The following MNT variants were observed in gnomAD, a reference collection of about 807,000 sequenced individuals.
MNT encodes the protein max-binding protein MNT.
In MNT, 13 loss-of-function variants were observed where a neutral mutation model predicts 40.7. That is an observed-to-expected ratio of 0.32 (90% CI 0.21 to 0.51). The LOEUF (loss-of-function observed/expected upper bound fraction) is 0.51. Ranked by LOEUF, MNT falls within the 20% of genes least tolerant of loss-of-function variation. MNT has a pLI of 0.98. For synonymous variants in MNT, 426 were observed against 354.8 expected (o/e 1.20, Z -2.26); for missense variants, 757 against 792.0 (o/e 0.96, Z 0.53).
Position 2,395,087 on chromosome 17 carries a change from A to G in MNT, c.441T>C (p.Ala147=). 3 of 1,519,756 alleles carry G rather than the reference A, an allele frequency of 2.0e-6. No individual in the cohort carries two copies. Among genetic ancestry groups the G allele is most frequent in the Non-Finnish European group, 2.6e-6 (3 of 1,135,024 alleles). 94.1% of individuals were successfully genotyped at this position (1,519,756 alleles called of 1,614,324 possible). A position where few individuals can be genotyped will look rare whatever the true frequency, so the allele number is the denominator to read the frequency against. Residue 147 remains alanine (A), a synonymous_variant, in exon 2 of 6, where the codon GCT becomes GCC. Transcript: ENST00000174618. ...TGGCCTTCGAGTCCGGCAGTAGGGG[A>G]GCAGGGGTGGGCACCTGCGGCCTGC... is the stretch of plus-strand genomic sequence containing the variant. ...LPSRPQVPTP[A]PLLPDSKATI... is the part of the protein sequence containing the mutation.
rs1360790437 is a variant in MNT, at chr17:2,393,103, CAG to C, written c.807+938_807+939del. Among the ~76,000 whole-genome samples, 7 of 151,954 alleles carry C rather than the reference CAG, an allele frequency of 4.6e-5. No individual in the cohort carries two copies. The South Asian group carries it at 1.0e-3, about 23-fold the overall frequency. On this transcript the variant is annotated intron_variant, in intron 4 of 5. Coordinates refer to ENST00000174618, the MANE Select transcript of MNT (RefSeq NM_020310.3). ...CGCCGCGCCGCCCCCGGAGCTTCCT[CAG>C]AGGATGGACAGGGAGAGTCCCGGCT... is the stretch of plus-strand genomic sequence containing the variant.
In MNT at chr17:2,395,273, T is replaced by C. The variant is rs775332991; in HGVS notation, c.255A>G (p.Pro85=). 2 of 1,097,430 alleles carry C rather than the reference T, an allele frequency of 1.8e-6. No individual in the cohort carries two copies. Among genetic ancestry groups the C allele is most frequent in the Non-Finnish European group, 2.4e-6 (2 of 842,590 alleles). The allele number at this position is 1,097,430 out of a possible 1,614,324, so 68.0% of individuals were successfully genotyped here. ...CCACAGGGATAGGGATGACAGTCAG[T>C]GGGGCAGGGGTGGCAAGTGGTGGTG... The part of the protein sequence containing the change: ...APPPPLATPA[P]LTVIPIPVVT... Residue 85 remains proline, a synonymous_variant, in exon 2 of 6, where the codon CCA becomes CCG. Transcript: ENST00000174618.
At chr17:2,395,900 G>C (rs535459543) in intron 1 of MNT, among the ~76,000 whole-genome samples, 27 of 152,202 alleles carry the variant, frequency 1.8e-4, no homozygotes, top group East Asian at 9.7e-4. Flanking sequence ...CACACCAGAG[G>C]GGGGGGTGTG....
At chr17:2,394,513 G>A (rs892794583) in intron 2 of MNT, among the ~76,000 whole-genome samples, 167 bp from the exon 3 acceptor site, 1 of 152,108 alleles carries the variant, frequency 6.6e-6, no homozygotes, top group Non-Finnish European at 1.5e-5. Context: ...CCCCCTGGAG[G>A]ACACATCTGT....
At position 2,387,424 on chromosome 17, in the gene MNT, A is replaced by G; in HGVS notation, c.1226T>C (p.Leu409Pro). Residue 409 changes from leucine to proline, a missense_variant, in exon 6 of 6, where the codon CTG becomes CCG. This residue lies in a region of MNT where 345 missense variants were observed against 380.1 expected (regional missense o/e 0.91). Coordinates refer to ENST00000174618, the MANE Select transcript of MNT (RefSeq NM_020310.3). ...QQQQPQQKTP[L>P]PAPPPPPAAP... ...AGCCGGTGGGGGAGGAGGGGCTGGC[A>G]GAGGGGTCTTCTGCTGTGGCTGCTG... 6.2e-7 allele frequency: 1 copy of G among 1,611,924 alleles called. No homozygotes were observed. Among genetic ancestry groups the G allele is most frequent in the Non-Finnish European group, 8.5e-7 (1 of 1,178,914 alleles).
chr17:2,387,473 G>C lies in MNT; in HGVS notation c.1177C>G (p.Pro393Ala), dbSNP rs2066475434. The change falls in exon 6 of 6, where the codon CCT becomes GCT. Residue 393 changes from proline (P) to alanine (A), a missense_variant. Around this residue, in one of 4 missense-constraint regions of MNT, gnomAD observed 345 missense variants for 380.1 expected, o/e 0.91. Coordinates refer to ENST00000174618, the MANE Select transcript of MNT (RefSeq NM_020310.3). ...TGCTGCTGCACGGGGAGGTGGGCAG[G>C]AGGTAGGGCCACGGAGTGGGGGTGA... ...HPHPHSVALPPAHLPVQQQQP... is the reference protein window; with the variant it reads ...HPHPHSVALPAAHLPVQQQQP... 15 of 1,612,132 alleles carry C rather than the reference G, an allele frequency of 9.3e-6. No individual in the cohort carries two copies. Among genetic ancestry groups the C allele is most frequent in the Non-Finnish European group, 1.2e-5 (14 of 1,179,108 alleles).
chr17:2,400,459 A>G, intron 1 of MNT, 181 bp downstream of exon 1: 1 of 527,454 alleles, frequency 1.9e-6, no homozygotes, highest in Non-Finnish European at 3.3e-6. Context: ...TGAATTCATT[A>G]ATTAATTTCA....
chr17:2,394,096 C>T lies in MNT; in HGVS notation c.754G>A (p.Asp252Asn). The T allele has an allele frequency of 6.2e-7, 1 of 1,609,336 alleles. No homozygotes were observed. Among genetic ancestry groups the T allele is most frequent in the Non-Finnish European group, 8.5e-7 (1 of 1,178,016 alleles). The change falls in exon 4 of 6, where the codon GAC becomes AAC. Residue 252 changes from aspartate (D) to asparagine (N), a missense_variant. By Grantham distance (23) the Asp-to-Asn change is conservative. Around this residue, in one of 4 missense-constraint regions of MNT, gnomAD observed 73 missense variants for 100.8 expected, o/e 0.72. Transcript: ENST00000174618. ...TLKRNIPNVD[D>N]KKTSNLSVLR... ...ACGCTCAGATTGGACGTCTTCTTGT[C>T]ATCCACGTTGGGGATGTTCCGCTTC...
At chr17:2,394,256 G>A (rs374620115) in intron 3 of MNT, 49 bp downstream of exon 3, 77 of 1,527,594 alleles carry the variant, frequency 5.0e-5, no homozygotes, top group Non-Finnish European at 6.5e-5. Context: ...CGGGGCCCGG[G>A]TCGCGCGCGC....
chr17:2,399,048 C>T (rs2066596354), intron 1 of MNT, among the ~76,000 whole-genome samples: 1 of 149,830 alleles, frequency 6.7e-6, no homozygotes, highest in Non-Finnish European at 1.5e-5. Flanking sequence ...CACACGGCGG[C>T]GCGCGCGCAC....
At chr17:2,391,697 C>T (rs895482601) in intron 4 of MNT, 2 of 152,472 alleles carry the variant, frequency 1.3e-5, no homozygotes, top group African/African-American at 4.8e-5. Context: ...CCTGCAGCTT[C>T]CTGCTCTCAG....
intron 1 of MNT, chr17:2,400,412 G>A (rs1226974114): frequency 6.8e-6 from 3 of 443,608 alleles, no homozygotes; most frequent in Non-Finnish European, 1.2e-5. Flanking sequence ...CAGCCGGGGT[G>A]GCGCCCGCAG....
rs759271173 is a variant in MNT at position 2,394,887 on chromosome 17, T to C, written c.641A>G (p.Lys214Arg). The C allele has an allele frequency of 1.7e-5, 27 of 1,588,024 alleles. No individual in the cohort carries two copies. The highest frequency in any genetic ancestry group is 4.6e-5 in the East Asian group (2 of 43,898). ...ACACCCCACTCACCCCCCGGGCCTC[T>C]TCTTCTGTTCACTGGATTTGACTTC... The part of the protein sequence containing the change: ...AEEVKSSEQK[K>R]RPGGIGTREV... The change falls in exon 2 of 6, where the codon AAG (lysine) becomes AGG (arginine). Residue 214 changes from lysine (K) to arginine (R), a missense_variant. Around this residue, in one of 4 missense-constraint regions of MNT, gnomAD observed 335 missense variants for 291.4 expected, o/e 1.15. Transcript: ENST00000174618.
chr17:2,400,816 G>A lies in MNT; in HGVS notation c.-104C>T, dbSNP rs2066610206. On this transcript the variant is annotated 5_prime_UTR_variant, in exon 1 of 6. Transcript: ENST00000174618. ...GCAGGAGGGAGGGATCACCTCCGGG[G>A]GGCGACAGGGCTGGGCGGCGCAGCG... 3 of 878,576 alleles carry A rather than the reference G, an allele frequency of 3.4e-6. No homozygotes were observed. The highest frequency in any genetic ancestry group is 4.9e-6 in the Non-Finnish European group (3 of 616,370). 54.4% of individuals were successfully genotyped at this position (878,576 alleles called of 1,614,324 possible). A position where few individuals can be genotyped will look rare whatever the true frequency, so the allele number is the denominator to read the frequency against.
In MNT at chr17:2,395,218, G is replaced by A. The variant is rs772640307; in HGVS notation, c.310C>T (p.Pro104Ser). Residue 104 changes from proline to serine, a missense_variant, in exon 2 of 6, where the codon CCC (proline) becomes TCC (serine). Pro to Ser is a moderately conservative substitution (Grantham distance 74, BLOSUM62 -1). Around this residue, in one of 4 missense-constraint regions of MNT, gnomAD observed 335 missense variants for 291.4 expected, o/e 1.15. Coordinates refer to ENST00000174618, the MANE Select transcript of MNT (RefSeq NM_020310.3). ...TGGGCTGCCGCGGGCAAGGGTGGGGGTGGGGGTAGAGGCTGAGGGGAGTTG... is the reference window on the plus strand; with the variant it reads ...TGGGCTGCCGCGGGCAAGGGTGGGGATGGGGGTAGAGGCTGAGGGGAGTTG... ...VTNSPQPLPP[P>S]PPLPAAAQPL... is the part of the protein sequence containing the mutation. 2 of 1,477,218 alleles carry A rather than the reference G, an allele frequency of 1.4e-6. No individual in the cohort carries two copies. Among genetic ancestry groups the A allele is most frequent in the East Asian group, 4.8e-5 (2 of 41,814 alleles). The allele number at this position is 1,477,218 out of a possible 1,614,324, so 91.5% of individuals were successfully genotyped here. A position where few individuals can be genotyped will look rare whatever the true frequency, so the allele number is the denominator to read the frequency against.
In MNT at chr17:2,395,266, C is replaced by G. The variant is rs1339669974; in HGVS notation, c.262G>C (p.Val88Leu). 2.0e-6 allele frequency: 3 copies of G among 1,527,700 alleles called. No individual in the cohort carries two copies. The East Asian group carries it at 6.8e-5, about 35-fold the overall frequency. The allele number at this position is 1,527,700 out of a possible 1,614,324, so 94.6% of individuals were successfully genotyped here. The change falls in exon 2 of 6, where the codon GTC becomes CTC. Residue 88 changes from valine (V) to leucine (L), a missense_variant. Coordinates refer to ENST00000174618, the MANE Select transcript of MNT (RefSeq NM_020310.3). ...TTGGTCACCACAGGGATAGGGATGA[C>G]AGTCAGTGGGGCAGGGGTGGCAAGT... ...PPLATPAPLT[V>L]IPIPVVTNSP...
At chr17:2,389,983 A>G (rs1450246870) in intron 4 of MNT, 2 of 152,006 alleles carry the variant, frequency 1.3e-5, no homozygotes, top group African/African-American at 4.8e-5. Flanking sequence ...TGAAGAAAAG[A>G]GCCCCATCTG....
intron 1 of MNT, among the ~76,000 whole-genome samples, chr17:2,395,674 T>G (rs998144965): frequency 1.3e-5 from 2 of 151,832 alleles, no homozygotes; most frequent in Non-Finnish European, 2.9e-5. Context: ...CAGGGAATAG[T>G]AGGACAGTCA....
chr17:2,387,216 C>G lies in MNT; in HGVS notation c.1434G>C (p.Ala478=), dbSNP rs753145734. 1.9e-6 allele frequency: 3 copies of G among 1,609,862 alleles called. No individual in the cohort carries two copies. In the Admixed American group the frequency reaches 5.1e-5, roughly 27 times the overall value. The change falls in exon 6 of 6, where the codon GCG becomes GCC. Residue 478 remains alanine, a synonymous_variant. Transcript: ENST00000174618. ...AHIAPSAPSP[A]VQLAPATPPI... is the part of the protein sequence containing the mutation. ...GGGGTGTGGCAGGCGCCAGTTGCAC[C>G]GCAGGGCTGGGGGCCGAGGGGGCGA...
Sources: allele counts gnomAD v4.1 joint callset (sites outside exome capture counted in the v4.1 genomes callset), GRCh38; gene constraint gnomAD v4.1.1; regional missense constraint gnomAD v4.1.1; transcripts MANE v1.5; gene names NCBI Gene and HGNC (gene_info 2026-07-23, HGNC 2026-07-21).